The following TMEM132B variants were observed in gnomAD, a reference collection of about 807,000 sequenced individuals.
The protein encoded by TMEM132B is transmembrane protein 132B.
In TMEM132B, 18 loss-of-function variants were observed where a neutral mutation model predicts 90.8. The ratio of observed to expected loss-of-function variants is 0.20; its 90% CI spans 0.14 to 0.29. The LOEUF is 0.29. Ranked by LOEUF, TMEM132B falls within the 10% of genes least tolerant of loss-of-function variation. TMEM132B has a pLI of 1.00. For missense variants in TMEM132B, 1,096 were observed against 1,326.8 expected (o/e 0.83, Z 2.70); for synonymous variants, 504 against 523.3 (o/e 0.96, Z 0.50).
chr12:125,376,072 GTGTC>G (rs1445122531), intron 2 of TMEM132B, among the ~76,000 whole-genome samples: 4 of 152,230 alleles, frequency 2.6e-5, no homozygotes, highest in East Asian at 3.9e-4. Context: ...CAAGGAGGTA[GTGTC>G]TGTCTGAGGC....
chr12:125,409,183 C>T (rs1348642782), intron 2 of TMEM132B, among the ~76,000 whole-genome samples: 2 of 152,148 alleles, frequency 1.3e-5, no homozygotes, highest in Non-Finnish European at 2.9e-5. Flanking sequence ...AAAGTCCACT[C>T]TTTGGAGAGT....
intron 1 of TMEM132B, among the ~76,000 whole-genome samples, chr12:125,224,855 A>G (rs1235046987): frequency 6.6e-6 from 1 of 152,230 alleles, no homozygotes; most frequent in Non-Finnish European, 1.5e-5. Context: ...GTTGAAAAGC[A>G]GGTTTTCTGT....
chr12:125,475,000 C>T (rs945004780), intron 3 of TMEM132B, among the ~76,000 whole-genome samples: 1 of 152,286 alleles, frequency 6.6e-6, no homozygotes, highest in African/African-American at 2.4e-5. Context: ...GAGATGGGGC[C>T]GAGTTAGCCC....
intron 1 of TMEM132B, among the ~76,000 whole-genome samples, chr12:125,198,669 G>A (rs976133233): frequency 6.6e-6 from 1 of 152,224 alleles, no homozygotes; most frequent in African/African-American, 2.4e-5. Flanking sequence ...TGCCAGAGAG[G>A]AGCAGAGGTT....
chr12:125,554,877 T>C (rs1482186833), intron 4 of TMEM132B, among the ~76,000 whole-genome samples: 1 of 152,234 alleles, frequency 6.6e-6, no homozygotes, highest in East Asian at 1.9e-4. Context: ...TTGCTGCACT[T>C]TCCTCTTTGT....
At chr12:125,576,829 G>T (rs1169083778) in intron 4 of TMEM132B, among the ~76,000 whole-genome samples, 1 of 151,706 alleles carries the variant, frequency 6.6e-6, no homozygotes, top group Admixed American at 6.6e-5. Flanking sequence ...CACTTGTTAT[G>T]GTGTTTAGTC....
intron 3 of TMEM132B, among the ~76,000 whole-genome samples, chr12:125,475,112 T>G (rs1348857473): frequency 6.6e-6 from 1 of 152,092 alleles, no homozygotes; most frequent in African/African-American, 2.4e-5. Context: ...AGATATCACC[T>G]TACCCGGGTG....
chr12:125,567,377 C>T (rs1447757886), intron 4 of TMEM132B, among the ~76,000 whole-genome samples: 1 of 152,172 alleles, frequency 6.6e-6, no homozygotes, highest in Non-Finnish European at 1.5e-5. Flanking sequence ...GCTCTCTCCC[C>T]TCTTTCCCTT....
chr12:125,616,044 C>A (rs997619605), intron 5 of TMEM132B, among the ~76,000 whole-genome samples: 3 of 151,774 alleles, frequency 2.0e-5, no homozygotes, highest in African/African-American at 7.3e-5. Flanking sequence ...TCCATTAACT[C>A]GTCATTTAAC....
rs544876786 is a variant in TMEM132B, at chr12:125,215,373, C to T, written c.67+28507C>T. 7.2e-5 allele frequency among the ~76,000 whole-genome samples: 11 copies of T among 152,258 alleles called. No individual in the cohort carries two copies. In the East Asian group the frequency reaches 1.4e-3, roughly 19 times the overall value. ...GGCTGCATTCCTTCTGGAGTTTCTA[C>T]GGGAGAATCTCTTTTTTCTTGCTTT... On this transcript the variant is annotated intron_variant, in intron 1 of 8. Transcript: ENST00000682704.
intron 7 of TMEM132B, among the ~76,000 whole-genome samples, chr12:125,652,225 A>G (rs1312749531): frequency 1.3e-5 from 2 of 152,236 alleles, no homozygotes; most frequent in Non-Finnish European, 2.9e-5. Context: ...ATCATGACAT[A>G]AATCAGAGGA....
chr12:125,321,588 C>G (rs1479221391), intron 1 of TMEM132B, among the ~76,000 whole-genome samples: 1 of 151,476 alleles, frequency 6.6e-6, no homozygotes, highest in Non-Finnish European at 1.5e-5. Context: ...AGCGATTCCT[C>G]TGCCTCAGCC....
At chr12:125,567,795 T>C (rs930375323) in intron 4 of TMEM132B, among the ~76,000 whole-genome samples, 15 of 152,010 alleles carry the variant, frequency 9.9e-5, no homozygotes, top group Admixed American at 2.6e-4. Context: ...CTTTTTTTTT[T>C]CCCCCAGGCA....
intron 1 of TMEM132B, among the ~76,000 whole-genome samples, chr12:125,279,474 G>T (rs1474937478): frequency 6.6e-6 from 1 of 152,182 alleles, no homozygotes; most frequent in Non-Finnish European, 1.5e-5. Context: ...AGGCAGAGGG[G>T]TCTATGTGAC....
intron 3 of TMEM132B, among the ~76,000 whole-genome samples, chr12:125,478,535 A>G (rs1881952438): frequency 2.0e-5 from 3 of 152,228 alleles, no homozygotes; most frequent in Admixed American, 2.0e-4. Context: ...GATCAAATTA[A>G]TGAAGCAAGA....
intron 1 of TMEM132B, among the ~76,000 whole-genome samples, chr12:125,224,394 T>C (rs76212196): frequency 0.024 from 3,610 of 152,302 alleles, 144 homozygotes; most frequent in African/African-American, 0.083. Flanking sequence ...AAATTCAGTC[T>C]CTGTTTTAAG....
intron 1 of TMEM132B, among the ~76,000 whole-genome samples, chr12:125,255,721 T>G (rs769469973): frequency 7.9e-5 from 12 of 152,170 alleles, no homozygotes; most frequent in Non-Finnish European, 1.6e-4. Flanking sequence ...TTTATTTATT[T>G]TGATCTCACA....
chr12:125,435,816 A>G (rs1272437466), intron 3 of TMEM132B, among the ~76,000 whole-genome samples: 1 of 152,050 alleles, frequency 6.6e-6, no homozygotes, highest in East Asian at 1.9e-4. Flanking sequence ...ATGGGAGGGA[A>G]GGGACAAGTG....
intron 1 of TMEM132B, among the ~76,000 whole-genome samples, chr12:125,282,292 GC>G (rs1875214999): frequency 6.6e-6 from 1 of 152,012 alleles, no homozygotes; most frequent in African/African-American, 2.4e-5. Context: ...CTGCCTCTGT[GC>G]CCTGGTGCCC....
Sources: gnomAD v4.1 joint callset for allele counts (sites outside exome capture counted in the v4.1 genomes callset) on GRCh38, gnomAD v4.1.1 for gene constraint, MANE v1.5 for transcripts, NCBI Gene and HGNC (gene_info 2026-07-23, HGNC 2026-07-21) for gene names.